CPE: variants seen among roughly 807,000 people sequenced by gnomAD.
CPE encodes carboxypeptidase E, also known as carbocypeptidase E.
A neutral mutation model predicts 53.5 loss-of-function variants in CPE; 17 were observed. The ratio of observed to expected loss-of-function variants is 0.32; its 90% confidence interval spans 0.22 to 0.48. CPE has a LOEUF of 0.48. Among genes scored for constraint, CPE ranks in the 20% least tolerant of loss-of-function variants. The probability of loss-of-function intolerance (pLI) is 0.99; values close to 1 mark genes in which losing one functional copy is unlikely to be tolerated. For missense variants in CPE, 524 were observed against 614.7 expected (o/e 0.85, Z 1.56); for synonymous variants, 226 against 228.8 (o/e 0.99, Z 0.11).
chr4:165,381,987 T>C (rs1342544426), intron 1 of CPE, among the ~76,000 whole-genome samples: 1 of 152,208 alleles, frequency 6.6e-6, no homozygotes, highest in Admixed American at 6.5e-5. Context: ...CCATAGAAGA[T>C]AACACAGAAG....
At chr4:165,481,014 A>ATT (rs1292540755) in intron 3 of CPE, among the ~76,000 whole-genome samples, 32 of 53,008 alleles carry the variant, frequency 6.0e-4, no homozygotes, top group East Asian at 1.0e-3. Context: ...ATATATATAT[A>ATT]TATTTTTTTT....
At chr4:165,462,932 G>A (rs1732034787) in intron 1 of CPE, among the ~76,000 whole-genome samples, 1 of 152,166 alleles carries the variant, frequency 6.6e-6, no homozygotes, top group Non-Finnish European at 1.5e-5. Context: ...CATATTTCCA[G>A]GAGAAAAATA....
At chr4:165,466,148 G>A (rs1442512645) in intron 2 of CPE, among the ~76,000 whole-genome samples, 1 of 152,128 alleles carries the variant, frequency 6.6e-6, no homozygotes, top group Admixed American at 6.5e-5. Flanking sequence ...GCATGGTGTA[G>A]CCTACTACAC....
chr4:165,399,959 T>A (rs566713878), intron 1 of CPE, among the ~76,000 whole-genome samples: 22 of 152,104 alleles, frequency 1.4e-4, no homozygotes, highest in Non-Finnish European at 2.5e-4. Context: ...CAGAGGATAA[T>A]AACAGAGCAC....
rs1291359745 is a variant in CPE at position 165,459,685 on chromosome 4, G to A, written c.308-4705G>A. Among the ~76,000 whole-genome samples the A allele has an allele frequency of 4.8e-5, 6 of 123,946 alleles. 1 individual carries two copies. Among genetic ancestry groups the A allele is most frequent in the African/African-American group, 7.0e-5 (2 of 28,696 alleles). 81.3% of individuals were successfully genotyped at this position (123,946 alleles called of 152,430 possible). The stretch of plus-strand genomic sequence containing the variant: ...TTGGGAGGGCTGGGTGGGGGGGGGC[G>A]GGGCAGATCATGAGGTCAGGAGGAG... On this transcript the variant is annotated intron_variant, in intron 1 of 8. Transcript: ENST00000402744.
chr4:165,381,178 T>C (rs1213311086), intron 1 of CPE: 4 of 425,490 alleles, frequency 9.4e-6, no homozygotes, highest in African/African-American at 4.1e-5. Flanking sequence ...TAAAGTGATA[T>C]TACAGTTAGA....
chr4:165,435,824 C>T (rs977769666), intron 1 of CPE, among the ~76,000 whole-genome samples: 1 of 152,126 alleles, frequency 6.6e-6, no homozygotes, highest in African/African-American at 2.4e-5. Context: ...GAAGGCTTTA[C>T]CCTATCACTC....
chr4:165,482,616 G>C (rs1356113803), intron 4 of CPE, among the ~76,000 whole-genome samples: 1 of 152,138 alleles, frequency 6.6e-6, no homozygotes, highest in Non-Finnish European at 1.5e-5. Context: ...CCAACAGAAA[G>C]GGAGAAAACA....
chr4:165,410,002 C>A (rs938445435), intron 1 of CPE, among the ~76,000 whole-genome samples: 1 of 152,018 alleles, frequency 6.6e-6, no homozygotes, highest in Non-Finnish European at 1.5e-5. Flanking sequence ...AATCCCAGCA[C>A]TTTGGGAGGC....
intron 1 of CPE, among the ~76,000 whole-genome samples, chr4:165,383,651 G>T (rs28373211): frequency 4.9e-4 from 74 of 152,302 alleles, no homozygotes; most frequent in African/African-American, 1.8e-3. Flanking sequence ...AATATAAAGT[G>T]TATAAATGCC....
chr4:165,419,165 A>C (rs936777285), intron 1 of CPE, among the ~76,000 whole-genome samples: 4 of 152,158 alleles, frequency 2.6e-5, no homozygotes, highest in African/African-American at 7.2e-5. Flanking sequence ...GAAATATTAG[A>C]TGCTTCATTC....
At position 165,379,675 on chromosome 4, in the gene CPE, A is replaced by G. The variant is rs1434375711; in HGVS notation, c.307+147A>G. 3 of 854,424 alleles carry G rather than the reference A, an allele frequency of 3.5e-6. No homozygotes were observed. Among genetic ancestry groups the G allele is most frequent in the African/African-American group, 3.4e-5 (2 of 57,984 alleles). 52.9% of individuals were successfully genotyped at this position (854,424 alleles called of 1,614,324 possible). On this transcript the variant is annotated intron_variant, in intron 1 of 8. Coordinates refer to ENST00000402744, the MANE Select transcript of CPE (RefSeq NM_001873.4). The surrounding 1 kb of genome is among the most constrained non-coding windows in gnomAD (Gnocchi z 6.0). ...ATCTAAGGTGGAAGGTGGGAAGTGG[A>G]GGGAGGGATGGAAATGGGGAAGAAC... is the stretch of plus-strand genomic sequence containing the variant.
chr4:165,421,017 A>T lies in CPE; in HGVS notation c.307+41489A>T, dbSNP rs139367778. Among the ~76,000 whole-genome samples, 686 of 152,250 alleles carry T rather than the reference A, an allele frequency of 4.5e-3. 7 individuals are homozygous for T. The highest frequency in any genetic ancestry group is 0.015 in the African/African-American group (644 of 41,552). ...TATCACACTTAGAATTAGAGTTGTA[A>T]TTTATTTTCAGGAAATAATTTCATT... On this transcript the variant is annotated intron_variant, in intron 1 of 8. Transcript: ENST00000402744.
intron 1 of CPE, among the ~76,000 whole-genome samples, chr4:165,459,610 A>G (rs964954271): frequency 2.0e-5 from 3 of 148,452 alleles, no homozygotes; most frequent in African/African-American, 7.6e-5. Context: ...ACTGTGTAAA[A>G]AAGAAAATGA....
At chr4:165,450,702 T>C (rs1197933334) in intron 1 of CPE, among the ~76,000 whole-genome samples, 1 of 152,218 alleles carries the variant, frequency 6.6e-6, no homozygotes, top group African/African-American at 2.4e-5. Context: ...TCTGATAATA[T>C]TCCATCATCT....
intron 5 of CPE, among the ~76,000 whole-genome samples, chr4:165,487,229 C>G (rs1484230091): frequency 6.6e-6 from 1 of 152,118 alleles, no homozygotes; most frequent in Non-Finnish European, 1.5e-5. Flanking sequence ...TGCTTAGGAA[C>G]CTGAGAGTTT....
chr4:165,417,205 T>G (rs1279319593), intron 1 of CPE, among the ~76,000 whole-genome samples: 1 of 151,494 alleles, frequency 6.6e-6, no homozygotes, highest in Admixed American at 6.6e-5. Flanking sequence ...TTATAAAAAT[T>G]GGGAAACTGT....
At chr4:165,419,220 CTATTTT>C (rs1323286733) in intron 1 of CPE, among the ~76,000 whole-genome samples, 1 of 152,138 alleles carries the variant, frequency 6.6e-6, no homozygotes, top group Non-Finnish European at 1.5e-5. Context: ...GGATTCTTCT[CTATTTT>C]TATTGTTTCT....
At chr4:165,402,046 A>G (rs908095249) in intron 1 of CPE, among the ~76,000 whole-genome samples, 2 of 152,192 alleles carry the variant, frequency 1.3e-5, no homozygotes, top group African/African-American at 4.8e-5. Context: ...TTTATTTTTT[A>G]TATCAGTTCT....
Sources: gnomAD v4.1 joint callset for allele counts (sites outside exome capture counted in the v4.1 genomes callset) on GRCh38, gnomAD v4.1.1 for gene constraint, Gnocchi (gnomAD v3.1) non-coding constraint, MANE v1.5 for transcripts, NCBI Gene and HGNC (gene_info 2026-07-23, HGNC 2026-07-21) for gene names.